GPR63: variants seen among roughly 807,000 people sequenced by gnomAD.
GPR63 encodes the protein G protein-coupled receptor 63, also known as probable G protein-coupled receptor 63.
GPR63 carries 12 observed loss-of-function variants against 23.1 expected under a neutral mutation model. The ratio of observed to expected loss-of-function variants is 0.52; its 90% CI spans 0.33 to 0.84. The LOEUF (loss-of-function observed/expected upper bound fraction) is 0.84. GPR63 is among the 40% of genes least tolerant of loss of function. The pLI, the probability that GPR63 is intolerant of heterozygous loss-of-function variation, is 0.02. For synonymous variants in GPR63, 172 were observed against 191.1 expected (o/e 0.90, Z 0.82); for missense variants, 472 against 515.6 (o/e 0.92, Z 0.82).
intron 1 of GPR63, among the ~76,000 whole-genome samples, chr6:96,828,846 G>A (rs1582277812): frequency 1.3e-5 from 2 of 151,886 alleles, no homozygotes; most frequent in East Asian, 1.9e-4. Flanking sequence ...TAATCTATAG[G>A]GGACCCTTCA....
chr6:96,800,880 A>G lies in GPR63; in HGVS notation c.-150-999T>C, dbSNP rs559241945. 7.9e-5 allele frequency among the ~76,000 whole-genome samples: 12 copies of G among 152,328 alleles called. No individual in the cohort carries two copies. The South Asian group carries it at 2.1e-3, about 26-fold the overall frequency. ...CAGGTATGAAGAATCTATTCCAGAA[A>G]ACTTACAAACATATTTAGTTAGCTT... is the stretch of plus-strand genomic sequence containing the variant. On this transcript the variant is annotated intron_variant, in intron 1 of 1. Transcript: ENST00000229955.
intron 1 of GPR63, among the ~76,000 whole-genome samples, chr6:96,819,989 A>AC (rs1338982569): frequency 8.4e-4 from 126 of 149,872 alleles, no homozygotes; most frequent in Admixed American, 1.5e-3. Flanking sequence ...AAAAAAAAAA[A>AC]AAACAAACAA....
chr6:96,824,914 C>A (rs1460874798), intron 1 of GPR63, among the ~76,000 whole-genome samples: 1 of 152,176 alleles, frequency 6.6e-6, no homozygotes, highest in Non-Finnish European at 1.5e-5. Context: ...GATATTAAGA[C>A]TGGTAAGACC....
intron 1 of GPR63, among the ~76,000 whole-genome samples, chr6:96,822,991 A>T (rs143106779): frequency 3.3e-5 from 5 of 152,316 alleles, no homozygotes; most frequent in African/African-American, 1.2e-4. Context: ...TCACCTAATG[A>T]CATCGTAGCC....
intron 1 of GPR63, among the ~76,000 whole-genome samples, chr6:96,831,411 T>G (rs1774576553): frequency 6.6e-6 from 1 of 151,094 alleles, no homozygotes; most frequent in Non-Finnish European, 1.5e-5. Context: ...CTATCTGACT[T>G]GACTCTTTCA....
In GPR63 at chr6:96,799,772, T is replaced by C; in HGVS notation, c.-41A>G. The C allele has an allele frequency of 6.2e-7, 1 of 1,604,260 alleles. No individual in the cohort carries two copies. The highest frequency in any genetic ancestry group is 8.5e-7 in the Non-Finnish European group (1 of 1,171,676). On this transcript the variant is annotated 5_prime_UTR_variant, in exon 2 of 2. Coordinates refer to ENST00000229955, the MANE Select transcript of GPR63 (RefSeq NM_030784.4). The stretch of plus-strand genomic sequence containing the variant: ...GAAGATGCAAGCAGAGATGCAGGAG[T>C]TCTTCAAGCATTTCAACACAGAACA...
chr6:96,798,317 G>GT lies in GPR63; in HGVS notation c.*154dup, dbSNP rs1195844833. On this transcript the variant is annotated 3_prime_UTR_variant, in exon 2 of 2. Coordinates refer to ENST00000229955, the MANE Select transcript of GPR63 (RefSeq NM_030784.4). ...ATCACTTTCCTATTATTTATTCTTGGTAACAGAACTATAATTACCATTCTT... is the reference window on the plus strand; with the variant it reads ...ATCACTTTCCTATTATTTATTCTTGGTTAACAGAACTATAATTACCATTCTT... 1.3e-5 allele frequency: 9 copies of GT among 685,028 alleles called. No individual in the cohort carries two copies. In the Admixed American group the frequency reaches 1.9e-4, roughly 14 times the overall value. The allele number at this position is 685,028 out of a possible 1,614,324, so 42.4% of individuals were successfully genotyped here. A position where few individuals can be genotyped will look rare whatever the true frequency, so the allele number is the denominator to read the frequency against.
At chr6:96,813,398 T>C (rs1012370033) in intron 1 of GPR63, among the ~76,000 whole-genome samples, 1 of 152,188 alleles carries the variant, frequency 6.6e-6, no homozygotes, top group African/African-American at 2.4e-5. Context: ...TCCTCTTTGT[T>C]TTTAGAGAAA....
intron 1 of GPR63, among the ~76,000 whole-genome samples, chr6:96,807,356 C>T (rs117244643): frequency 0.027 from 4,153 of 152,324 alleles, 90 homozygotes; most frequent in Middle Eastern, 0.068. Context: ...CTCACTGTGG[C>T]AACACAGGGA....
Position 96,798,573 on chromosome 6 carries a change from G to A in GPR63, c.1159C>T (p.Pro387Ser). The A allele has an allele frequency of 6.2e-7, 1 of 1,614,150 alleles. No homozygotes were observed. Among genetic ancestry groups the A allele is most frequent in the South Asian group, 1.1e-5 (1 of 91,080 alleles). ...KFHDACLDMMPKSFKFLPQLP... is the reference protein window; with the variant it reads ...KFHDACLDMMSKSFKFLPQLP... Reference sequence around the variant, plus strand: ...TGCGGCAAAAACTTGAAGGACTTAGGCATCATGTCCAGGCAAGCATCATGG... The same window carrying A: ...TGCGGCAAAAACTTGAAGGACTTAGACATCATGTCCAGGCAAGCATCATGG... Residue 387 changes from proline to serine, a missense_variant, in exon 2 of 2, where the codon CCT (proline) becomes TCT (serine). Physicochemically the swap from Pro to Ser is moderately conservative, Grantham distance 74. Coordinates refer to ENST00000229955, the MANE Select transcript of GPR63 (RefSeq NM_030784.4).
intron 1 of GPR63, among the ~76,000 whole-genome samples, chr6:96,826,032 C>A (rs1774430943): frequency 6.6e-6 from 1 of 152,044 alleles, no homozygotes; most frequent in Non-Finnish European, 1.5e-5. Context: ...ACAAACATTT[C>A]TTTAAAATGT....
rs1337006008 is a variant in GPR63 at position 96,799,826 on chromosome 6, G to A, written c.-95C>T. On this transcript the variant is annotated 5_prime_UTR_variant, in exon 2 of 2. Coordinates refer to ENST00000229955, the MANE Select transcript of GPR63 (RefSeq NM_030784.4). ...GTATCAGGTCCCATTGATGGGCTTG[G>A]AAATACATTCTGGAAAATGGACAAT... 1.6e-6 allele frequency: 2 copies of A among 1,269,898 alleles called. No homozygotes were observed. Among genetic ancestry groups the A allele is most frequent in the Admixed American group, 3.5e-5 (2 of 57,128 alleles). 78.7% of individuals were successfully genotyped at this position (1,269,898 alleles called of 1,614,324 possible).
intron 1 of GPR63, among the ~76,000 whole-genome samples, chr6:96,810,312 A>G (rs913246244): frequency 1.6e-4 from 25 of 152,250 alleles, no homozygotes; most frequent in East Asian, 1.4e-3. Flanking sequence ...TCTGGCCAAC[A>G]TGGTGAAACT....
intron 1 of GPR63, among the ~76,000 whole-genome samples, chr6:96,817,960 T>C (rs1774205762): frequency 6.6e-6 from 1 of 151,554 alleles, no homozygotes; most frequent in Admixed American, 6.6e-5. Context: ...AAAAAGTTTA[T>C]GAAAAATATT....
At chr6:96,821,529 A>G (rs982480852) in intron 1 of GPR63, among the ~76,000 whole-genome samples, 2 of 152,214 alleles carry the variant, frequency 1.3e-5, no homozygotes, top group Admixed American at 1.3e-4. Flanking sequence ...TACTTTAAAC[A>G]GTGGCAGAAT....
chr6:96,806,384 G>A (rs937410371), intron 1 of GPR63, among the ~76,000 whole-genome samples: 2 of 152,130 alleles, frequency 1.3e-5, no homozygotes, highest in Non-Finnish European at 2.9e-5. Context: ...CACCTCATTT[G>A]GGTATGTTAT....
chr6:96,817,462 T>C (rs1160556595), intron 1 of GPR63, among the ~76,000 whole-genome samples: 1 of 152,146 alleles, frequency 6.6e-6, no homozygotes, highest in African/African-American at 2.4e-5. Context: ...TATGGTAAAT[T>C]TGTAGTTATG....
At chr6:96,820,223 G>A (rs1774279332) in intron 1 of GPR63, among the ~76,000 whole-genome samples, 1 of 152,078 alleles carries the variant, frequency 6.6e-6, no homozygotes, top group African/African-American at 2.4e-5. Flanking sequence ...CGTTAAGACA[G>A]CAAAATAAGC....
chr6:96,833,994 T>G (rs1185559793), intron 1 of GPR63, among the ~76,000 whole-genome samples: 3 of 152,150 alleles, frequency 2.0e-5, no homozygotes, highest in African/African-American at 7.2e-5. Context: ...ATCCAACTTT[T>G]CTAACTCTTC....
Sources: allele counts gnomAD v4.1 joint callset (sites outside exome capture counted in the v4.1 genomes callset), GRCh38; gene constraint gnomAD v4.1.1; transcripts MANE v1.5; gene names NCBI Gene and HGNC (gene_info 2026-07-23, HGNC 2026-07-21).